DUSP8: variants seen among roughly 807,000 people sequenced by gnomAD.
DUSP8 encodes the protein dual specificity protein phosphatase 8.
DUSP8 carries 15 observed loss-of-function variants against 38.7 expected under a neutral mutation model. The observed-to-expected ratio is 0.39, with a 90% CI of 0.26 to 0.60. DUSP8 has a LOEUF of 0.60. Among genes scored for constraint, DUSP8 ranks in the 20% least tolerant of loss-of-function variants. The pLI is 0.56. For missense variants in DUSP8, 768 were observed against 915.0 expected, an observed-to-expected ratio of 0.84 and a Z score of 2.07; for synonymous variants, 458 against 433.9, an observed-to-expected ratio of 1.06 and a Z score of -0.69.
chr11:1,557,253 C>G lies in DUSP8; in HGVS notation c.1143G>C (p.Ser381=). 3 of 1,492,730 alleles carry G rather than the reference C, an allele frequency of 2.0e-6. No homozygotes were observed. Among genetic ancestry groups the G allele is most frequent in the South Asian group, 1.3e-5 (1 of 79,556 alleles). The allele number at this position is 1,492,730 out of a possible 1,614,324, so 92.5% of individuals were successfully genotyped here. The part of the protein sequence containing the change: ...QQGLRGLHLS[S]DRLQDTNRLK... ...GGCGGTTAGTGTCCTGCAGGCGGTC[C>G]GAGGAGAGGTGCAGGCCGCGCAGGC... The change falls in exon 7 of 7, where the codon TCG becomes TCC. Residue 381 remains serine, a synonymous_variant. Transcript: ENST00000397374. This position sits in a 1 kb window ranked among gnomAD's most constrained non-coding sequence, Gnocchi z 9.9.
chr11:1,554,652 G>A lies in DUSP8; in HGVS notation c.*1866C>T. The stretch of plus-strand genomic sequence containing the variant: ...CAAGGGGAAGGGGGAAGGGAGAAGG[G>A]GGCCCAACCAGTGGCCCCAGACCAC... On this transcript the variant is annotated 3_prime_UTR_variant, in exon 7 of 7. Transcript: ENST00000397374. The A allele has an allele frequency of 5.1e-6, 5 of 987,446 alleles. No homozygotes were observed. The highest frequency in any genetic ancestry group is 6.0e-6 in the Non-Finnish European group (5 of 829,744). 61.2% of individuals were successfully genotyped at this position (987,446 alleles called of 1,614,324 possible).
rs1848619924 is a variant in DUSP8 at position 1,556,197 on chromosome 11, C to T, written c.*321G>A. ...GTGCACGAAAGCTCGGCAGCCTTTG[C>T]AAAGGTCAGCAGTGTTTCCTGGGGC... On this transcript the variant is annotated 3_prime_UTR_variant, in exon 7 of 7. Transcript: ENST00000397374. The surrounding 1 kb of genome is among the most constrained non-coding windows in gnomAD (Gnocchi z 5.2). The T allele has an allele frequency of 3.7e-6, 1 of 267,256 alleles. No individual in the cohort carries two copies. The highest frequency in any genetic ancestry group is 7.0e-6 in the Non-Finnish European group (1 of 143,640). The allele number at this position is 267,256 out of a possible 1,614,324, so 16.6% of individuals were successfully genotyped here. A position where few individuals can be genotyped will look rare whatever the true frequency, so the allele number is the denominator to read the frequency against.
rs371368252 is a variant in DUSP8 at position 1,570,824 on chromosome 11, C to A, written c.-109+1077G>T. 6.6e-5 allele frequency among the ~76,000 whole-genome samples: 10 copies of A among 152,262 alleles called. No individual in the cohort carries two copies. The East Asian group carries it at 1.4e-3, about 21-fold the overall frequency. On this transcript the variant is annotated intron_variant, in intron 1 of 6. Coordinates refer to ENST00000397374, the MANE Select transcript of DUSP8 (RefSeq NM_004420.3). ...CACCCCTGGACCGCCCTAGGTGCAA[C>A]AGTGTCTCTGGGTGGGCTGTGCCAG...
chr11:1,559,428 G>T, intron 3 of DUSP8: 1 of 282,058 alleles, frequency 3.5e-6, no homozygotes, highest in Non-Finnish European at 6.7e-6. Flanking sequence ...CCTGCTGAGG[G>T]TGTGTGTCAC....
chr11:1,559,324 C>T (rs924150986), intron 3 of DUSP8: 6 of 452,678 alleles, frequency 1.3e-5, no homozygotes, highest in Admixed American at 4.3e-5. Context: ...CTGAGGACGC[C>T]GCTAGGATGC....
Position 1,556,546 on chromosome 11 carries a change from C to T in DUSP8, c.1850G>A (p.Gly617Asp). 7 of 1,389,334 alleles carry T rather than the reference C, an allele frequency of 5.0e-6. No homozygotes were observed. The highest frequency in any genetic ancestry group is 6.6e-6 in the Non-Finnish European group (7 of 1,068,020). 86.1% of individuals were successfully genotyped at this position (1,389,334 alleles called of 1,614,324 possible). ...GGACACCTCGATGACCTCCACGCTGCCCGAGAAGCTCGCCTGCTTGCCCAG... is the reference window on the plus strand; with the variant it reads ...GGACACCTCGATGACCTCCACGCTGTCCGAGAAGCTCGCCTGCTTGCCCAG... ...AALGKQASFSGSVEVIEVS is the reference protein window; with the variant it reads ...AALGKQASFSDSVEVIEVS Residue 617 changes from glycine (G) to aspartate (D), a missense_variant, in exon 7 of 7, where the codon GGC becomes GAC. Gly to Asp is a moderately conservative substitution (Grantham distance 94). Around this residue, in one of 3 missense-constraint regions of DUSP8, gnomAD observed 42 missense variants for 73.7 expected, o/e 0.57. Transcript: ENST00000397374. The surrounding 1 kb of genome is among the most constrained non-coding windows in gnomAD (Gnocchi z 5.2).
Position 1,565,686 on chromosome 11 carries a change from G to A in DUSP8, c.141C>T (p.Val47=), listed in dbSNP as rs1277656023. The change falls in exon 2 of 7, where the codon GTC becomes GTT. Residue 47 remains valine (V), a synonymous_variant. Coordinates refer to ENST00000397374, the MANE Select transcript of DUSP8 (RefSeq NM_004420.3). ...TCACCAGCTTGGAGCAGCAGATGTT[G>A]ACGGAGCTGAGCACATGCCAGCTGT... The part of the protein sequence containing the change: ...EYNSWHVLSS[V]NICCSKLVKR... 20 of 1,611,840 alleles carry A rather than the reference G, an allele frequency of 1.2e-5. No individual in the cohort carries two copies. In the Admixed American group the frequency reaches 3.3e-4, roughly 27 times the overall value.
chr11:1,572,405 G>C (rs1026827547), upstream of DUSP8, among the ~76,000 whole-genome samples: 2 of 150,448 alleles, frequency 1.3e-5, no homozygotes, highest in East Asian at 4.0e-4. This position sits in a 1 kb window ranked among gnomAD's most constrained non-coding sequence, Gnocchi z 4.7. Context: ...GCCCGGGCTC[G>C]GGGTGAAGCT....
intron 1 of DUSP8, among the ~76,000 whole-genome samples, chr11:1,570,635 C>CT (rs36059095): frequency 0.54 from 82,286 of 152,048 alleles, 22,671 homozygotes; most frequent in African/African-American, 0.56. Context: ...CCCAGCCACA[C>CT]TCGTGCAGCC....
chr11:1,569,250 G>A (rs1848851737), intron 1 of DUSP8, among the ~76,000 whole-genome samples: 1 of 152,118 alleles, frequency 6.6e-6, no homozygotes, highest in Non-Finnish European at 1.5e-5. Flanking sequence ...GGAGGAAGCA[G>A]TTTCCAAGTC....
rs965046535 is a variant in DUSP8, at chr11:1,554,528, C to G, written c.*1990G>C. The G allele has an allele frequency of 2.6e-5, 14 of 545,390 alleles. No individual in the cohort carries two copies. The highest frequency in any genetic ancestry group is 2.5e-4 in the African/African-American group (12 of 48,756). 33.8% of individuals were successfully genotyped at this position (545,390 alleles called of 1,614,324 possible). A position where few individuals can be genotyped will look rare whatever the true frequency, so the allele number is the denominator to read the frequency against. On this transcript the variant is annotated 3_prime_UTR_variant, in exon 7 of 7. Transcript: ENST00000397374. ...GCAGTGGCCAACACAGGACCTTCGC[C>G]CCCCTGCTGGCTGCTCACTTTGCGG...
chr11:1,566,759 C>T (rs1345229822), intron 1 of DUSP8, among the ~76,000 whole-genome samples: 5 of 152,188 alleles, frequency 3.3e-5, no homozygotes, highest in Non-Finnish European at 7.4e-5. Flanking sequence ...AGGGGCGGGG[C>T]AGCCCTGGGA....
At chr11:1,566,087 G>A (rs1452562374) in intron 1 of DUSP8, among the ~76,000 whole-genome samples, 153 bp from the exon 2 acceptor site, 2 of 152,124 alleles carry the variant, frequency 1.3e-5, no homozygotes, top group South Asian at 4.1e-4. Context: ...ACCCCGTCCA[G>A]GTCACAAGGC....
Position 1,558,462 on chromosome 11 carries a change from C to T in DUSP8, c.538-191G>A, listed in dbSNP as rs573010285. On this transcript the variant is annotated intron_variant, in intron 4 of 6. Transcript: ENST00000397374. The surrounding 1 kb of genome is among the most constrained non-coding windows in gnomAD (Gnocchi z 6.3). Reference sequence around the variant, plus strand: ...CTGGTCCACCCTGGCACCCTGGGCCCGTGCGGGGGGTGGGGCACGGCTGGC... The same window carrying T: ...CTGGTCCACCCTGGCACCCTGGGCCTGTGCGGGGGGTGGGGCACGGCTGGC... Among the ~76,000 whole-genome samples, 163 of 149,042 alleles carry T rather than the reference C, an allele frequency of 1.1e-3. 1 individual carries two copies. The highest frequency in any genetic ancestry group is 3.8e-3 in the African/African-American group (154 of 40,792).
At chr11:1,563,751 C>T in intron 3 of DUSP8, 100 bp downstream of exon 3, 1 of 1,268,596 alleles carries the variant, frequency 7.9e-7, no homozygotes, top group Non-Finnish European at 1.1e-6. Flanking sequence ...TATGGAGATC[C>T]CCCCGTGCCC....
chr11:1,554,846 T>G lies in DUSP8; in HGVS notation c.*1672A>C. 1.4e-6 allele frequency: 1 copy of G among 727,328 alleles called. No individual in the cohort carries two copies. The highest frequency in any genetic ancestry group is 1.7e-6 in the Non-Finnish European group (1 of 594,174). The allele number at this position is 727,328 out of a possible 1,614,324, so 45.1% of individuals were successfully genotyped here. On this transcript the variant is annotated 3_prime_UTR_variant, in exon 7 of 7. Coordinates refer to ENST00000397374, the MANE Select transcript of DUSP8 (RefSeq NM_004420.3). Reference sequence around the variant, plus strand: ...AATACTTAAACCTCTAATCCATAGATTGCAAATACAACGATAGCTTATTTT... The same window carrying G: ...AATACTTAAACCTCTAATCCATAGAGTGCAAATACAACGATAGCTTATTTT...
At chr11:1,572,484 C>T (rs1458534031), upstream of DUSP8, among the ~76,000 whole-genome samples, 1 of 151,456 alleles carries the variant, frequency 6.6e-6, no homozygotes, top group Non-Finnish European at 1.5e-5. The surrounding 1 kb of genome is among the most constrained non-coding windows in gnomAD (Gnocchi z 4.7). Context: ...CGCCTTCCGC[C>T]CTCACCCCGG....
In DUSP8 at chr11:1,557,792, A is replaced by G; in HGVS notation, c.821+2T>C. The G allele has an allele frequency of 6.2e-7, 1 of 1,612,720 alleles. No homozygotes were observed. The highest frequency in any genetic ancestry group is 8.5e-7 in the Non-Finnish European group (1 of 1,179,962). ...CAAGTGCGCGACTGGGGAAGGTGGT[A>G]CCTGTAGGCGTCGTCGGAGGACATG... is the stretch of plus-strand genomic sequence containing the variant. On this transcript the variant is annotated splice_donor_variant, in intron 6 of 6. Transcript: ENST00000397374. LOFTEE classifies it high-confidence loss of function. This position sits in a 1 kb window ranked among gnomAD's most constrained non-coding sequence, Gnocchi z 9.9.
intron 1 of DUSP8, among the ~76,000 whole-genome samples, chr11:1,568,105 T>C (rs926228257): frequency 6.6e-5 from 10 of 152,030 alleles, no homozygotes; most frequent in African/African-American, 1.4e-4. Flanking sequence ...TGGGGGTCTT[T>C]TGAGGAGCTG....
Sources: gnomAD v4.1 joint callset for allele counts (sites outside exome capture counted in the v4.1 genomes callset) on GRCh38, gnomAD v4.1.1 for gene constraint, gnomAD v4.1.1 regional missense constraint, Gnocchi (gnomAD v3.1) non-coding constraint, MANE v1.5 for transcripts, NCBI Gene and HGNC (gene_info 2026-07-23, HGNC 2026-07-21) for gene names.